Variants in MAP2 observed in about 807,000 individuals in gnomAD.
MAP2 encodes the protein microtubule associated protein 2.
A neutral mutation model predicts 137.6 loss-of-function variants in MAP2; 14 were observed. That is an observed-to-expected ratio of 0.10 (90% confidence interval 0.07 to 0.16). The LOEUF is 0.16. MAP2 is among the 10% of genes least tolerant of loss of function. MAP2 has a pLI of 1.00. For synonymous variants in MAP2, 786 were observed against 782.3 expected, an observed-to-expected ratio of 1.00 and a Z score of -0.08; for missense variants, 2,088 against 2,191.5, an observed-to-expected ratio of 0.95 and a Z score of 0.94.
chr2:209,660,497 C>T (rs1484491105), intron 5 of MAP2, among the ~76,000 whole-genome samples: 1 of 145,422 alleles, frequency 6.9e-6, no homozygotes, highest in Non-Finnish European at 1.5e-5. Flanking sequence ...GGGTTCACGC[C>T]ATTCTCCCGC....
At chr2:209,709,808 C>A in intron 12 of MAP2, 106 bp from the exon 13 acceptor site, 1 of 795,430 alleles carries the variant, frequency 1.3e-6, no homozygotes, top group African/African-American at 1.7e-5. Flanking sequence ...TTCTAAATAC[C>A]TTAGAAATTA....
chr2:209,722,116 T>G (rs1225071959), intron 13 of MAP2: 1 of 152,222 alleles, frequency 6.6e-6, no homozygotes. Flanking sequence ...TGTGAAACAT[T>G]TATAGTGCAA....
chr2:209,592,014 G>T (rs2079385321), intron 3 of MAP2, among the ~76,000 whole-genome samples: 1 of 152,098 alleles, frequency 6.6e-6, no homozygotes, highest in Non-Finnish European at 1.5e-5. Context: ...AAAAGTAAAG[G>T]TAATCTTGTC....
chr2:209,457,876 A>G (rs1239494865), intron 1 of MAP2, among the ~76,000 whole-genome samples: 6 of 152,154 alleles, frequency 3.9e-5, no homozygotes, highest in South Asian at 2.1e-4. Flanking sequence ...ACCACAAACC[A>G]TGGGCCACAG....
At chr2:209,574,122 A>C (rs1214302189) in intron 2 of MAP2, among the ~76,000 whole-genome samples, 3 of 152,078 alleles carry the variant, frequency 2.0e-5, no homozygotes, top group African/African-American at 7.2e-5. Context: ...TATGATTCTC[A>C]TGGTACATTC....
chr2:209,617,209 A>T (rs1232826375), intron 3 of MAP2, among the ~76,000 whole-genome samples: 1 of 152,110 alleles, frequency 6.6e-6, no homozygotes, highest in Non-Finnish European at 1.5e-5. Flanking sequence ...AGGCCTAGAG[A>T]TAGACAAAAG....
chr2:209,465,906 AG>A (rs1704018917), intron 1 of MAP2, among the ~76,000 whole-genome samples: 1 of 152,192 alleles, frequency 6.6e-6, no homozygotes, highest in African/African-American at 2.4e-5. Flanking sequence ...TGAAAGATCA[AG>A]GCCCAGATCT....
At chr2:209,710,590 T>C (rs948068016) in intron 13 of MAP2, 1 of 196,514 alleles carries the variant, frequency 5.1e-6, no homozygotes, top group East Asian at 1.4e-4. Context: ...TTGAGTTTTC[T>C]ATTTTAGTTT....
chr2:209,673,495 A>G (rs1340686215), intron 5 of MAP2, among the ~76,000 whole-genome samples: 1 of 151,852 alleles, frequency 6.6e-6, no homozygotes, highest in Non-Finnish European at 1.5e-5. Flanking sequence ...TTCACAAGAG[A>G]AAGAATAGAA....
intron 3 of MAP2, among the ~76,000 whole-genome samples, chr2:209,611,993 C>G (rs116761147): frequency 6.6e-6 from 1 of 152,138 alleles, no homozygotes; most frequent in East Asian, 1.9e-4. Flanking sequence ...CTCCATGTAA[C>G]TCCTTAAAGC....
chr2:209,598,702 G>GT (rs1421853585), intron 3 of MAP2, among the ~76,000 whole-genome samples: 5 of 150,770 alleles, frequency 3.3e-5, no homozygotes, highest in East Asian at 2.0e-4. Flanking sequence ...GTGGTGTTTG[G>GT]TTTTTTGTTC....
intron 5 of MAP2, among the ~76,000 whole-genome samples, chr2:209,653,909 A>C (rs1022777200): frequency 6.6e-6 from 1 of 152,216 alleles, no homozygotes; most frequent in Admixed American, 6.5e-5. Flanking sequence ...GTGTTGTGTT[A>C]GCTTCTGTGC....
At chr2:209,503,883 T>A (rs575925582) in intron 1 of MAP2, among the ~76,000 whole-genome samples, 2 of 152,292 alleles carry the variant, frequency 1.3e-5, no homozygotes, top group African/African-American at 4.8e-5. Context: ...ATTAATATTT[T>A]GAATACAGTT....
intron 1 of MAP2, among the ~76,000 whole-genome samples, chr2:209,443,216 GTT>G (rs143329860): frequency 6.8e-5 from 10 of 146,340 alleles, no homozygotes; most frequent in Admixed American, 4.1e-4. Flanking sequence ...CCCATTATAG[GTT>G]TTTTTTTTTT....
chr2:209,653,009 A>T, intron 4 of MAP2, 133 bp from the exon 5 acceptor site: 1 of 584,014 alleles, frequency 1.7e-6, no homozygotes. Context: ...GATATTAAAC[A>T]TAGGTTATTG....
At chr2:209,722,883 GT>G (rs2071847956) in intron 13 of MAP2, among the ~76,000 whole-genome samples, 1 of 152,152 alleles carries the variant, frequency 6.6e-6, no homozygotes, top group African/African-American at 2.4e-5. Context: ...ATGGGCATGG[GT>G]TTTCTTTCCT....
chr2:209,593,634 AATAT>A (rs58330460), intron 3 of MAP2, among the ~76,000 whole-genome samples: 341 of 33,518 alleles, frequency 0.01, 24 homozygotes, highest in African/African-American at 0.03. Flanking sequence ...AAAAAAAAAA[AATAT>A]ATATATATAT....
intron 3 of MAP2, among the ~76,000 whole-genome samples, chr2:209,583,155 A>G (rs1443144458): frequency 1.3e-5 from 2 of 150,802 alleles, no homozygotes; most frequent in African/African-American, 4.9e-5. Flanking sequence ...CTGTCTATCT[A>G]TCTATCTATC....
chr2:209,526,150 G>C (rs2064011112), intron 2 of MAP2, among the ~76,000 whole-genome samples: 1 of 152,074 alleles, frequency 6.6e-6, no homozygotes, highest in South Asian at 2.1e-4. Flanking sequence ...TGATAATTCA[G>C]AAAGTATTTT....
Sources: allele counts gnomAD v4.1 joint callset (sites outside exome capture counted in the v4.1 genomes callset), GRCh38; gene constraint gnomAD v4.1.1; transcripts MANE v1.5; gene names NCBI Gene and HGNC (gene_info 2026-07-23, HGNC 2026-07-21).